SLC4A7: variants seen among roughly 807,000 people sequenced by gnomAD.
SLC4A7 encodes the protein solute carrier family 4 member 7.
A neutral mutation model predicts 137.6 loss-of-function variants in SLC4A7; 51 were observed. That is an observed-to-expected ratio of 0.37 (90% confidence interval 0.30 to 0.47). The LOEUF (loss-of-function observed/expected upper bound fraction) is 0.47, where lower values mean the gene tolerates loss of function less well. Ranked by LOEUF, SLC4A7 falls within the 20% of genes least tolerant of loss-of-function variation. SLC4A7 has a pLI of 1.00. For missense variants in SLC4A7, 1,247 were observed against 1,525.4 expected (o/e 0.82, Z 3.04); for synonymous variants, 542 against 518.6 (o/e 1.05, Z -0.61).
At chr3:27,441,445 T>C (rs150836919) in intron 3 of SLC4A7, among the ~76,000 whole-genome samples, 2,366 of 152,330 alleles carry the variant, frequency 0.016, 30 homozygotes, top group Middle Eastern at 0.048. Flanking sequence ...ATTTTCATTG[T>C]CAGAAAGTTT....
rs184929648 is a variant in SLC4A7 at position 27,460,778 on chromosome 3, C to T, written c.61-8280G>A. On this transcript the variant is annotated intron_variant, in intron 1 of 25. Coordinates refer to ENST00000454389, the MANE Select transcript of SLC4A7 (RefSeq NM_001321103.2). The stretch of plus-strand genomic sequence containing the variant: ...TACGTATTTTGGATAGATACCTTCT[C>T]TCAGGTACTGCGCCATGGCCTTTAA... Among the ~76,000 whole-genome samples, 335 of 152,302 alleles carry T rather than the reference C, an allele frequency of 2.2e-3. 2 individuals are homozygous for T. The highest frequency in any genetic ancestry group is 1.9e-3 in the Non-Finnish European group (126 of 68,032).
rs961630692 is a variant in SLC4A7 at position 27,398,131 on chromosome 3, C to G, written c.2589+61G>C. The G allele has an allele frequency of 1.6e-5, 19 of 1,224,922 alleles. 1 individual carries two copies. The Admixed American group carries it at 2.1e-4, about 13-fold the overall frequency. The allele number at this position is 1,224,922 out of a possible 1,614,324, so 75.9% of individuals were successfully genotyped here. A position where few individuals can be genotyped will look rare whatever the true frequency, so the allele number is the denominator to read the frequency against. On this transcript the variant is annotated intron_variant, in intron 17 of 25. Transcript: ENST00000454389. ...AATATATTACTGTTTTGAAATAAAC[C>G]AAGGAAATAAAAACCAAAAATATGA... is the stretch of plus-strand genomic sequence containing the variant.
intron 1 of SLC4A7, among the ~76,000 whole-genome samples, chr3:27,468,433 A>C (rs1391281880): frequency 1.3e-5 from 2 of 152,198 alleles, no homozygotes; most frequent in Non-Finnish European, 2.9e-5. Context: ...ATCTAAGCTG[A>C]GTGCAGTGAT....
chr3:27,466,809 A>T (rs983132226), intron 1 of SLC4A7, among the ~76,000 whole-genome samples: 9 of 152,134 alleles, frequency 5.9e-5, no homozygotes, highest in Non-Finnish European at 1.3e-4. Context: ...GAGAGCCGCG[A>T]TTGCGCCACT....
intron 3 of SLC4A7, among the ~76,000 whole-genome samples, chr3:27,438,081 C>T (rs1313324047): frequency 2.0e-5 from 3 of 151,546 alleles, no homozygotes; most frequent in African/African-American, 7.3e-5. Context: ...CCTGTAATCC[C>T]AAATACTCGG....
chr3:27,401,234 T>C (rs1361584605), intron 15 of SLC4A7, among the ~76,000 whole-genome samples: 3 of 152,180 alleles, frequency 2.0e-5, no homozygotes, highest in Non-Finnish European at 4.4e-5. Flanking sequence ...CACTCCCCCA[T>C]AGCACATATA....
chr3:27,426,970 C>T (rs1021437766), intron 7 of SLC4A7, among the ~76,000 whole-genome samples: 1 of 152,142 alleles, frequency 6.6e-6, no homozygotes, highest in Non-Finnish European at 1.5e-5. Context: ...ATAAGGAAAT[C>T]AAAGATATCA....
intron 1 of SLC4A7, among the ~76,000 whole-genome samples, chr3:27,471,228 T>C (rs1340522819): frequency 1.3e-5 from 2 of 152,206 alleles, no homozygotes; most frequent in African/African-American, 4.8e-5. Context: ...AAATTATTAA[T>C]AAATCACAAC....
chr3:27,411,808 T>A (rs2053927696), intron 11 of SLC4A7, 60 bp from the exon 12 acceptor site: 2 of 769,780 alleles, frequency 2.6e-6, no homozygotes, highest in Non-Finnish European at 3.9e-6. Context: ...TGAGATGGCA[T>A]CTTCAATTAG....
At chr3:27,383,971 C>A (rs1226025357) in intron 23 of SLC4A7, among the ~76,000 whole-genome samples, 1 of 152,084 alleles carries the variant, frequency 6.6e-6, no homozygotes, top group Non-Finnish European at 1.5e-5. Flanking sequence ...GCAAAGCAGA[C>A]CACTCAGGCT....
Position 27,409,209 on chromosome 3 carries a change from T to C in SLC4A7, c.1941+147A>G, listed in dbSNP as rs1220504400. ...GGCTTCCCCATGTTTTCCACAGCAA[T>C]TACCTTTGGGGAAAGTCTGCTTTGG... On this transcript the variant is annotated intron_variant, in intron 13 of 25. Coordinates refer to ENST00000454389, the MANE Select transcript of SLC4A7 (RefSeq NM_001321103.2). 5 of 574,670 alleles carry C rather than the reference T, an allele frequency of 8.7e-6. No homozygotes were observed. The Admixed American group carries it at 1.5e-4, about 17-fold the overall frequency. 35.6% of individuals were successfully genotyped at this position (574,670 alleles called of 1,614,324 possible).
intron 16 of SLC4A7, among the ~76,000 whole-genome samples, chr3:27,399,093 T>C (rs575817342): frequency 6.6e-6 from 1 of 151,396 alleles, no homozygotes; most frequent in Non-Finnish European, 1.5e-5. Context: ...TATAATCTAA[T>C]GAAGCTCATT....
At chr3:27,384,918 G>C (rs1194794040) in intron 23 of SLC4A7, among the ~76,000 whole-genome samples, 1 of 151,986 alleles carries the variant, frequency 6.6e-6, no homozygotes, top group Non-Finnish European at 1.5e-5. Flanking sequence ...TCCAGCCTGG[G>C]CCACAGAGCA....
At position 27,425,095 on chromosome 3, in the gene SLC4A7, GTGC is replaced by G. The variant is rs559153793; in HGVS notation, c.1151-946_1151-944del. Among the ~76,000 whole-genome samples the G allele has an allele frequency of 1.1e-3, 173 of 152,264 alleles. 1 individual carries two copies. The highest frequency in any genetic ancestry group is 2.0e-3 in the Non-Finnish European group (136 of 68,016). ...TTTAAAAAATTTCAAATTCAGCCGG[GTGC>G]AGTGGCTCATGCCTGTAATCCCAGC... is the stretch of plus-strand genomic sequence containing the variant. On this transcript the variant is annotated intron_variant, in intron 7 of 25. Coordinates refer to ENST00000454389, the MANE Select transcript of SLC4A7 (RefSeq NM_001321103.2).
At chr3:27,456,181 T>A (rs559607541) in intron 1 of SLC4A7, among the ~76,000 whole-genome samples, 5 of 152,186 alleles carry the variant, frequency 3.3e-5, no homozygotes, top group Non-Finnish European at 7.3e-5. Context: ...TTTGACACCC[T>A]AAGGTTTACA....
chr3:27,445,931 C>CAAAAAAAA (rs1164631983), intron 3 of SLC4A7, among the ~76,000 whole-genome samples: 1 of 58,522 alleles, frequency 1.7e-5, no homozygotes, highest in African/African-American at 8.1e-5. Flanking sequence ...GGCTCAGTCT[C>CAAAAAAAA]AAAAAAAAAA....
chr3:27,467,434 C>G (rs753730399), intron 1 of SLC4A7, among the ~76,000 whole-genome samples: 40 of 152,198 alleles, frequency 2.6e-4, no homozygotes, highest in Non-Finnish European at 5.3e-4. Flanking sequence ...AATTCAGTAA[C>G]AGCTAATTAA....
chr3:27,465,850 A>C (rs1367014854), intron 1 of SLC4A7, among the ~76,000 whole-genome samples: 2 of 150,816 alleles, frequency 1.3e-5, no homozygotes, highest in African/African-American at 2.4e-5. Context: ...GCTACTCGGG[A>C]GGCTGAGGCA....
At chr3:27,392,797 G>A (rs529634315) in intron 20 of SLC4A7, among the ~76,000 whole-genome samples, 2 of 151,980 alleles carry the variant, frequency 1.3e-5, no homozygotes, top group East Asian at 3.9e-4. Context: ...CTGCACTCCA[G>A]CCTGGGTGAT....
Sources: gnomAD v4.1 joint callset for allele counts (sites outside exome capture counted in the v4.1 genomes callset) on GRCh38, gnomAD v4.1.1 for gene constraint, MANE v1.5 for transcripts, NCBI Gene and HGNC (gene_info 2026-07-23, HGNC 2026-07-21) for gene names.